Variants in ITPR1 observed in about 807,000 individuals in gnomAD.
ITPR1 encodes inositol 1,4,5-trisphosphate-gated calcium channel ITPR1.
ITPR1 carries 96 observed loss-of-function variants against 318.4 expected under a neutral mutation model. The ratio of observed to expected loss-of-function variants is 0.30; its 90% CI spans 0.26 to 0.36. The LOEUF (loss-of-function observed/expected upper bound fraction) is 0.36. Ranked by LOEUF, ITPR1 falls within the 10% of genes least tolerant of loss-of-function variation. ITPR1 has a pLI of 1.00. For missense variants in ITPR1, 2,440 were observed against 3,460.2 expected (o/e 0.71, Z 7.40); for synonymous variants, 1,312 against 1,289.9 (o/e 1.02, Z -0.37).
At chr3:4,800,322 CA>C in intron 53 of ITPR1, 102 bp from the exon 54 acceptor site, 6 of 1,269,622 alleles carry the variant, frequency 4.7e-6, no homozygotes, top group Non-Finnish European at 6.6e-6. Context: ...ACTGGTAAGC[CA>C]AAAAAGTTAT....
chr3:4,522,713 T>C (rs2082659987), intron 4 of ITPR1, among the ~76,000 whole-genome samples: 1 of 152,360 alleles, frequency 6.6e-6, no homozygotes, highest in South Asian at 2.1e-4. Context: ...CAGTCACTCA[T>C]AGAATTACTT....
intron 39 of ITPR1, among the ~76,000 whole-genome samples, chr3:4,712,403 G>A (rs1337871800): frequency 6.6e-6 from 1 of 152,218 alleles, no homozygotes; most frequent in Non-Finnish European, 1.5e-5. Context: ...AGTGAACAAG[G>A]ATATACCAGA....
At chr3:4,624,812 A>G (rs1022030994) in intron 4 of ITPR1, among the ~76,000 whole-genome samples, 5 of 152,176 alleles carry the variant, frequency 3.3e-5, no homozygotes, top group African/African-American at 1.2e-4. Flanking sequence ...CAAAGATGGG[A>G]TAGTTAATGT....
intron 34 of ITPR1, among the ~76,000 whole-genome samples, chr3:4,699,152 C>T (rs57275983): frequency 1.3e-5 from 2 of 151,774 alleles, no homozygotes; most frequent in East Asian, 3.9e-4. Flanking sequence ...AGTTCGAGAC[C>T]AGCCTGGCCA....
intron 46 of ITPR1, 25 bp downstream of exon 46, chr3:4,768,789 G>C: frequency 6.3e-7 from 1 of 1,593,226 alleles, no homozygotes; most frequent in Admixed American, 1.7e-5. Context: ...GTGGGGGCGT[G>C]GAGGGAGCTC....
intron 22 of ITPR1, 27 bp from the exon 23 acceptor site, chr3:4,675,041 T>C (rs780329743): frequency 1.5e-6 from 2 of 1,311,098 alleles, no homozygotes; most frequent in East Asian, 2.3e-5. Flanking sequence ...TGTAATACCG[T>C]CTTCTTCTTT....
At position 4,826,032 on chromosome 3, in the gene ITPR1, G is replaced by A. The variant is rs2050053784; in HGVS notation, c.8028+7790G>A. 6.6e-6 allele frequency among the ~76,000 whole-genome samples: 1 copy of A among 152,256 alleles called. No homozygotes were observed. The highest frequency in any genetic ancestry group is 2.4e-5 in the African/African-American group (1 of 41,478). ...CCTGCCAGACAGCACTTAGGTGCAG[G>A]AGAGAGGAAGGGCGAGTCCAACAGG... On this transcript the variant is annotated intron_variant, in intron 60 of 61. Coordinates refer to ENST00000649015, the MANE Select transcript of ITPR1 (RefSeq NM_001378452.1). The surrounding 1 kb of genome is among the most constrained non-coding windows in gnomAD (Gnocchi z 4.2).
rs188777468 is a variant in ITPR1 at position 4,689,364 on chromosome 3, C to T, written c.3828+744C>T. 5.3e-5 allele frequency among the ~76,000 whole-genome samples: 8 copies of T among 152,300 alleles called. No homozygotes were observed. In the East Asian group the frequency reaches 1.4e-3, roughly 26 times the overall value. On this transcript the variant is annotated intron_variant, in intron 31 of 61. Coordinates refer to ENST00000649015, the MANE Select transcript of ITPR1 (RefSeq NM_001378452.1). Reference sequence around the variant, plus strand: ...CTAACACTTTCCAGAAAAAGGATTGCTGGATTGTAGGATAATATAGGTTGA... The same window carrying T: ...CTAACACTTTCCAGAAAAAGGATTGTTGGATTGTAGGATAATATAGGTTGA...
chr3:4,795,025 G>C, intron 52 of ITPR1, 40 bp from the exon 53 acceptor site: 4 of 1,542,354 alleles, frequency 2.6e-6, no homozygotes, highest in Non-Finnish European at 3.5e-6. Flanking sequence ...TTCCGGCTTG[G>C]GGTCTCCAGC....
intron 54 of ITPR1, among the ~76,000 whole-genome samples, chr3:4,805,868 G>C (rs572308152): frequency 2.0e-5 from 3 of 152,200 alleles, no homozygotes; most frequent in Non-Finnish European, 4.4e-5. Flanking sequence ...CTTGATTACT[G>C]TTGCGCATGA....
chr3:4,711,720 C>T, intron 38 of ITPR1, 37 bp from the exon 39 acceptor site: 1 of 1,102,010 alleles, frequency 9.1e-7, no homozygotes, highest in African/African-American at 1.6e-5. Flanking sequence ...TTAAAATTAG[C>T]TTCAAGGAAG....
At position 4,714,879 on chromosome 3, in the gene ITPR1, A is replaced by G. The variant is rs991051976; in HGVS notation, c.5104-2488A>G. On this transcript the variant is annotated intron_variant, in intron 39 of 61. Transcript: ENST00000649015. ...TGAAGAACTGTCACCCATATTACCAAATAGACTAAAACATGATAGAATCAC... is the reference window on the plus strand; with the variant it reads ...TGAAGAACTGTCACCCATATTACCAGATAGACTAAAACATGATAGAATCAC... 6.6e-5 allele frequency among the ~76,000 whole-genome samples: 10 copies of G among 152,230 alleles called. No individual in the cohort carries two copies. The East Asian group carries it at 1.9e-3, about 29-fold the overall frequency.
At chr3:4,585,996 A>G (rs1483556420) in intron 4 of ITPR1, among the ~76,000 whole-genome samples, 1 of 133,154 alleles carries the variant, frequency 7.5e-6, no homozygotes, top group African/African-American at 2.9e-5. Context: ...TTCAATTCCC[A>G]CTTATGAGTG....
intron 4 of ITPR1, among the ~76,000 whole-genome samples, chr3:4,604,681 C>T (rs1042759467): frequency 1.3e-5 from 2 of 151,896 alleles, no homozygotes; most frequent in African/African-American, 4.8e-5. Flanking sequence ...GGGAAGGGGC[C>T]CTGCGCAGAA....
At position 4,779,514 on chromosome 3, in the gene ITPR1, C is replaced by T; in HGVS notation, c.6292-36C>T. The T allele has an allele frequency of 6.5e-7, 1 of 1,531,074 alleles. No homozygotes were observed. The highest frequency in any genetic ancestry group is 2.3e-5 in the East Asian group (1 of 44,210). The allele number at this position is 1,531,074 out of a possible 1,614,324, so 94.8% of individuals were successfully genotyped here. A position where few individuals can be genotyped will look rare whatever the true frequency, so the allele number is the denominator to read the frequency against. ...ATTCAGGCCGGGCCCCCAAGCAGCCCCTCTACATTTCCTCTCCCTTTGTTT... is the reference window on the plus strand; with the variant it reads ...ATTCAGGCCGGGCCCCCAAGCAGCCTCTCTACATTTCCTCTCCCTTTGTTT... On this transcript the variant is annotated intron_variant, in intron 48 of 61. Coordinates refer to ENST00000649015, the MANE Select transcript of ITPR1 (RefSeq NM_001378452.1). This position sits in a 1 kb window ranked among gnomAD's most constrained non-coding sequence, Gnocchi z 4.0.
intron 10 of ITPR1, among the ~76,000 whole-genome samples, chr3:4,649,934 G>C (rs766994441): frequency 6.6e-6 from 1 of 152,108 alleles, no homozygotes; most frequent in South Asian, 2.1e-4. Context: ...TAACGTAAAC[G>C]ATCTCCTAAT....
chr3:4,688,456 C>A, intron 30 of ITPR1, 39 bp from the exon 31 acceptor site: 1 of 1,609,380 alleles, frequency 6.2e-7, no homozygotes, highest in Non-Finnish European at 8.5e-7. Flanking sequence ...GGTCTCCTGG[C>A]CCAGCAATCA....
At chr3:4,596,538 C>T (rs754964305) in intron 4 of ITPR1, among the ~76,000 whole-genome samples, 9 of 152,156 alleles carry the variant, frequency 5.9e-5, no homozygotes, top group Non-Finnish European at 1.2e-4. Flanking sequence ...CTGGTGGTCA[C>T]AGATGGGTTT....
At chr3:4,657,657 G>A (rs535713644) in intron 12 of ITPR1, among the ~76,000 whole-genome samples, 3 of 152,026 alleles carry the variant, frequency 2.0e-5, no homozygotes, top group East Asian at 3.9e-4. Flanking sequence ...TAGTATTGAC[G>A]GGGTTTATAT....
Sources: allele counts gnomAD v4.1 joint callset (sites outside exome capture counted in the v4.1 genomes callset), GRCh38; gene constraint gnomAD v4.1.1; non-coding constraint Gnocchi (gnomAD v3.1); transcripts MANE v1.5; gene names NCBI Gene and HGNC (gene_info 2026-07-23, HGNC 2026-07-21).